The following BANP variants were observed in gnomAD, a reference collection of about 807,000 sequenced individuals.
BANP encodes BTG3 associated nuclear protein.
A neutral mutation model predicts 68.1 loss-of-function variants in BANP; 11 were observed. That is an observed-to-expected ratio of 0.16 (90% CI 0.10 to 0.27). The LOEUF (loss-of-function observed/expected upper bound fraction) is 0.27. BANP is among the 10% of genes least tolerant of loss of function. The pLI is 1.00. For synonymous variants in BANP, 329 were observed against 303.2 expected, an observed-to-expected ratio of 1.09 and a Z score of -0.88; for missense variants, 504 against 722.7, an observed-to-expected ratio of 0.70 and a Z score of 3.47.
intron 12 of BANP, among the ~76,000 whole-genome samples, chr16:88,067,251 A>AG (rs1198571895): frequency 6.6e-6 from 1 of 151,946 alleles, no homozygotes; most frequent in Non-Finnish European, 1.5e-5. Context: ...CATGGGGCTG[A>AG]GGGGGTCAGA....
At chr16:88,046,828 A>T (rs1423291997) in intron 11 of BANP, among the ~76,000 whole-genome samples, 1 of 151,972 alleles carries the variant, frequency 6.6e-6, no homozygotes, top group Non-Finnish European at 1.5e-5. Context: ...GCACTTTAGG[A>T]GGCCGAGGCG....
At position 88,057,451 on chromosome 16, in the gene BANP, G is replaced by C. The variant is rs1038394305; in HGVS notation, c.1312-7816G>C. On this transcript the variant is annotated intron_variant, in intron 11 of 13. Transcript: ENST00000682872. The surrounding 1 kb of genome is among the most constrained non-coding windows in gnomAD (Gnocchi z 4.6). ...GAAGGTGAGCCTTCTCCAGGGGGAT[G>C]CCCTGGAGACTCTTGCGGTCCCCTC... Among the ~76,000 whole-genome samples the C allele has an allele frequency of 2.0e-5, 3 of 152,072 alleles. No homozygotes were observed. Among genetic ancestry groups the C allele is most frequent in the Non-Finnish European group, 4.4e-5 (3 of 67,990 alleles).
At position 87,957,843 on chromosome 16, in the gene BANP, A is replaced by C. The variant is rs1195140537; in HGVS notation, c.-69+6328A>C. ...CCTGCTGTCATCATGGCATGCTGCAAGCTCTGTGGGCGCTGGTGGCCAGGA... is the reference window on the plus strand; with the variant it reads ...CCTGCTGTCATCATGGCATGCTGCACGCTCTGTGGGCGCTGGTGGCCAGGA... On this transcript the variant is annotated intron_variant, in intron 1 of 13. Coordinates refer to ENST00000682872, the MANE Select transcript of BANP (RefSeq NM_001386991.1). This position sits in a 1 kb window ranked among gnomAD's most constrained non-coding sequence, Gnocchi z 4.3. 4.0e-5 allele frequency among the ~76,000 whole-genome samples: 6 copies of C among 151,848 alleles called. No homozygotes were observed. The highest frequency in any genetic ancestry group is 6.6e-5 in the Admixed American group (1 of 15,236).
chr16:88,066,038 T>G (rs1026525108), intron 12 of BANP, among the ~76,000 whole-genome samples: 6 of 152,102 alleles, frequency 3.9e-5, no homozygotes, highest in African/African-American at 1.2e-4. Flanking sequence ...TGGGATAGCG[T>G]CCGAGCAGCC....
chr16:88,008,573 A>C (rs28600076), intron 6 of BANP, among the ~76,000 whole-genome samples: 1 of 152,204 alleles, frequency 6.6e-6, no homozygotes, highest in South Asian at 2.1e-4. Flanking sequence ...GGTCATAAAA[A>C]CAAAAAAATC....
intron 13 of BANP, among the ~76,000 whole-genome samples, chr16:88,073,074 C>G (rs1487727998): frequency 6.6e-6 from 1 of 152,384 alleles, no homozygotes; most frequent in East Asian, 1.9e-4. Flanking sequence ...AGCAGCCTTT[C>G]CCTGCTCCCC....
intron 11 of BANP, among the ~76,000 whole-genome samples, chr16:88,059,775 C>T (rs769548048): frequency 2.0e-5 from 3 of 152,356 alleles, no homozygotes; most frequent in South Asian, 2.1e-4. Flanking sequence ...CTGTCGGACG[C>T]GACACATGCC....
At chr16:88,030,842 G>C (rs1242476039) in intron 8 of BANP, among the ~76,000 whole-genome samples, 1 of 152,244 alleles carries the variant, frequency 6.6e-6, no homozygotes, top group African/African-American at 2.4e-5. Context: ...GGGAGAAGCT[G>C]TCCAGGGACA....
At chr16:87,994,503 G>A (rs1417331168) in intron 4 of BANP, among the ~76,000 whole-genome samples, 1 of 152,170 alleles carries the variant, frequency 6.6e-6, no homozygotes, top group Non-Finnish European at 1.5e-5. Context: ...GGTTAGTCCC[G>A]CTTCTCTGGT....
At chr16:88,015,281 T>C (rs2074267868) in intron 6 of BANP, among the ~76,000 whole-genome samples, 1 of 136,270 alleles carries the variant, frequency 7.3e-6, no homozygotes, top group African/African-American at 2.8e-5. Flanking sequence ...CCTCTGCCTG[T>C]ACCTCCCTGC....
At chr16:88,053,715 C>T (rs1233656006) in intron 11 of BANP, among the ~76,000 whole-genome samples, 1 of 150,252 alleles carries the variant, frequency 6.7e-6, no homozygotes, top group Non-Finnish European at 1.5e-5. Flanking sequence ...TCATCATCAC[C>T]AACACAACCA....
chr16:88,061,670 C>CTT (rs5818662), intron 11 of BANP, among the ~76,000 whole-genome samples: 41 of 148,030 alleles, frequency 2.8e-4, no homozygotes, highest in South Asian at 1.5e-3. Flanking sequence ...ATTTTTCTTT[C>CTT]TTTTTTTTTT....
In BANP at chr16:88,053,627, C is replaced by T. The variant is rs1453165305; in HGVS notation, c.1312-11640C>T. On this transcript the variant is annotated intron_variant, in intron 11 of 13. Transcript: ENST00000682872. ...ACCCTAACGACTACCACCCCCACCT[C>T]CTTCACTATCATCACCATCACCAAC... Among the ~76,000 whole-genome samples, 5 of 149,120 alleles carry T rather than the reference C, an allele frequency of 3.4e-5. No homozygotes were observed. The South Asian group carries it at 8.5e-4, about 25-fold the overall frequency.
chr16:87,975,004 C>A, intron 1 of BANP, 44 bp from the exon 2 acceptor site: 2 of 870,542 alleles, frequency 2.3e-6, no homozygotes, highest in Non-Finnish European at 3.7e-6. Context: ...TCACGTGTAG[C>A]GATGGTTAAT....
chr16:87,978,412 G>C (rs542819174), intron 2 of BANP: 1 of 346,700 alleles, frequency 2.9e-6, no homozygotes, highest in South Asian at 2.1e-5. Flanking sequence ...AGAGTAATGA[G>C]TACGAGGGTC....
chr16:87,984,282 G>C, intron 4 of BANP, 23 bp downstream of exon 4: 1 of 1,549,156 alleles, frequency 6.5e-7, no homozygotes. Flanking sequence ...CAGGGTGCCG[G>C]GGCCTTCAGG....
At chr16:88,063,350 G>A (rs771254176) in intron 11 of BANP, among the ~76,000 whole-genome samples, 6 of 152,192 alleles carry the variant, frequency 3.9e-5, no homozygotes, top group Non-Finnish European at 8.8e-5. Flanking sequence ...TTGTGTTGTC[G>A]TTGTGGTCCT....
chr16:88,074,311 G>A (rs1218289719), intron 13 of BANP, among the ~76,000 whole-genome samples: 1 of 152,206 alleles, frequency 6.6e-6, no homozygotes, highest in Non-Finnish European at 1.5e-5. Flanking sequence ...GCTCAGCTGT[G>A]AGGGCCTGGC....
chr16:88,074,235 T>C (rs2152929407), intron 13 of BANP, among the ~76,000 whole-genome samples: 1 of 152,256 alleles, frequency 6.6e-6, no homozygotes, highest in South Asian at 2.1e-4. Context: ...TGCTTGGGAA[T>C]GGTCTTGCAT....
Sources: gnomAD v4.1 joint callset for allele counts (sites outside exome capture counted in the v4.1 genomes callset) on GRCh38, gnomAD v4.1.1 for gene constraint, Gnocchi (gnomAD v3.1) non-coding constraint, MANE v1.5 for transcripts, NCBI Gene and HGNC (gene_info 2026-07-23, HGNC 2026-07-21) for gene names.